LGI1: variants seen among roughly 807,000 people sequenced by gnomAD.
LGI1 encodes the protein leucine rich glioma inactivated 1.
Under a neutral mutation model 57.7 loss-of-function variants are expected in LGI1, and 11 were observed. The ratio of observed to expected loss-of-function variants is 0.19; its 90% CI spans 0.12 to 0.32. The LOEUF (loss-of-function observed/expected upper bound fraction) is 0.32. Among genes scored for constraint, LGI1 ranks in the 10% least tolerant of loss-of-function variants. LGI1 has a pLI of 1.00. For synonymous variants in LGI1, 222 were observed against 241.9 expected (o/e 0.92, Z 0.76); for missense variants, 422 against 661.9 (o/e 0.64, Z 3.98).
chr10:93,780,114 T>C (rs1007287136), intron 4 of LGI1, among the ~76,000 whole-genome samples: 9 of 152,208 alleles, frequency 5.9e-5, no homozygotes, highest in African/African-American at 1.7e-4. Context: ...GCAAGAGAAA[T>C]TGGACAAATA....
intron 2 of LGI1, 104 bp from the exon 3 acceptor site, chr10:93,777,275 A>AT: frequency 1.0e-6 from 1 of 980,660 alleles, no homozygotes; most frequent in Non-Finnish European, 1.6e-6. Flanking sequence ...CCATGCAGAC[A>AT]TTTTTCTGTA....
chr10:93,797,450 A>T lies in LGI1; in HGVS notation c.1321A>T (p.Lys441Ter). Reference sequence around the variant, plus strand: ...GTACGCAGTGAAGCACTTCTCAGTGAAAGGGGACGTGTACATTTGCTTGAC... The same window carrying T: ...GTACGCAGTGAAGCACTTCTCAGTGTAAGGGGACGTGTACATTTGCTTGAC... Reference protein sequence around the residue: ...DVYAVKHFSVKGDVYICLTRF... With the variant: ...DVYAVKHFSV Residue 441 changes from lysine (K) to a stop codon, truncating the protein, a stop_gained, in exon 8 of 8, where the codon AAA (lysine) becomes TAA (stop). Coordinates refer to ENST00000371418, the MANE Select transcript of LGI1 (RefSeq NM_005097.4). LOFTEE classifies it high-confidence loss of function. The surrounding 1 kb of genome is among the most constrained non-coding windows in gnomAD (Gnocchi z 6.5). 6.2e-7 allele frequency: 1 copy of T among 1,614,244 alleles called. No homozygotes were observed. Among genetic ancestry groups the T allele is most frequent in the Non-Finnish European group, 8.5e-7 (1 of 1,180,038 alleles).
At chr10:93,787,063 G>A (rs1473992981) in intron 4 of LGI1, among the ~76,000 whole-genome samples, 1 of 152,128 alleles carries the variant, frequency 6.6e-6, no homozygotes, top group East Asian at 1.9e-4. Context: ...CCCTAGCCTT[G>A]GATGTCTGGA....
At chr10:93,763,973 A>G (rs974243276) in intron 2 of LGI1, 3 of 152,214 alleles carry the variant, frequency 2.0e-5, no homozygotes, top group African/African-American at 7.2e-5. Flanking sequence ...CACAAAGATA[A>G]TTTCCTTTTT....
intron 4 of LGI1, chr10:93,788,617 G>C (rs1281838655): frequency 6.6e-6 from 1 of 152,112 alleles, no homozygotes; most frequent in Non-Finnish European, 1.5e-5. Context: ...TGTCACAATT[G>C]GACCGTCATT....
intron 4 of LGI1, among the ~76,000 whole-genome samples, chr10:93,782,247 G>A (rs902484775): frequency 2.0e-5 from 3 of 152,088 alleles, no homozygotes; most frequent in African/African-American, 4.8e-5. Context: ...TCAGTTCCTC[G>A]GCTTTGCACC....
At chr10:93,792,578 T>C in intron 5 of LGI1, 165 bp from the exon 6 acceptor site, 1 of 720,372 alleles carries the variant, frequency 1.4e-6, no homozygotes. Flanking sequence ...GTGCTAACTC[T>C]CTGAGCCCAA....
intron 2 of LGI1, among the ~76,000 whole-genome samples, chr10:93,776,531 T>A (rs2059796212): frequency 6.6e-6 from 1 of 152,208 alleles, no homozygotes; most frequent in Non-Finnish European, 1.5e-5. Flanking sequence ...TTAGTGGTAC[T>A]TATATTTAAT....
At chr10:93,784,215 C>T (rs2059876583) in intron 4 of LGI1, among the ~76,000 whole-genome samples, 1 of 152,148 alleles carries the variant, frequency 6.6e-6, no homozygotes, top group Non-Finnish European at 1.5e-5. Context: ...CAATCGGCTC[C>T]ACCCCACCCC....
At chr10:93,778,931 G>C (rs1172952905) in intron 4 of LGI1, 2 of 152,206 alleles carry the variant, frequency 1.3e-5, no homozygotes, top group African/African-American at 4.8e-5. Flanking sequence ...TTGTAGCAAA[G>C]AGAAGCTAAT....
intron 2 of LGI1, chr10:93,770,610 C>T (rs956830056): frequency 1.3e-5 from 2 of 152,112 alleles, no homozygotes; most frequent in African/African-American, 2.4e-5. Context: ...TGTGTCCTAC[C>T]TCTCCGTTCA....
At chr10:93,790,305 C>T (rs975025107) in intron 5 of LGI1, 135 bp downstream of exon 5, 1 of 798,746 alleles carries the variant, frequency 1.3e-6, no homozygotes, top group Non-Finnish European at 1.9e-6. Context: ...TTTTAACTGG[C>T]CAAAAATTTA....
chr10:93,758,120 T>G lies in LGI1; in HGVS notation c.-25T>G. 6.3e-7 allele frequency: 1 copy of G among 1,599,144 alleles called. No homozygotes were observed. Among genetic ancestry groups the G allele is most frequent in the Non-Finnish European group, 8.6e-7 (1 of 1,166,502 alleles). The stretch of plus-strand genomic sequence containing the variant: ...ATCTGAATTCCAGAAGCCCTGTTCA[T>G]GGTTGGGGATATTTTCTCGACTGCA... On this transcript the variant is annotated 5_prime_UTR_variant, in exon 1 of 8. An upstream start codon of the reference 5' UTR is lost. Transcript: ENST00000371418. The surrounding 1 kb of genome is among the most constrained non-coding windows in gnomAD (Gnocchi z 4.7).
chr10:93,777,478 G>C (rs373424220), intron 3 of LGI1, 28 bp downstream of exon 3: 1 of 1,610,142 alleles, frequency 6.2e-7, no homozygotes, highest in Non-Finnish European at 8.5e-7. Flanking sequence ...TTTAAAACAT[G>C]ATGATTCAGG....
intron 4 of LGI1, among the ~76,000 whole-genome samples, chr10:93,784,759 G>C (rs1449711792): frequency 6.6e-6 from 1 of 152,062 alleles, no homozygotes; most frequent in Non-Finnish European, 1.5e-5. Context: ...TTGGCTAACA[G>C]ATCTTTGCAG....
In LGI1 at chr10:93,792,984, C is replaced by T; in HGVS notation, c.673+72C>T. On this transcript the variant is annotated intron_variant, in intron 6 of 7. Coordinates refer to ENST00000371418, the MANE Select transcript of LGI1 (RefSeq NM_005097.4). ...TACCTTTTTTTTTCATGTGCAGGAA[C>T]TGATATTTTTTATATCTTAAAAACT... 3 of 1,471,218 alleles carry T rather than the reference C, an allele frequency of 2.0e-6. No individual in the cohort carries two copies. In the South Asian group the frequency reaches 3.5e-5, roughly 17 times the overall value. The allele number at this position is 1,471,218 out of a possible 1,614,324, so 91.1% of individuals were successfully genotyped here. A position where few individuals can be genotyped will look rare whatever the true frequency, so the allele number is the denominator to read the frequency against.
chr10:93,762,164 C>T (rs2059630773), intron 2 of LGI1, among the ~76,000 whole-genome samples: 1 of 152,144 alleles, frequency 6.6e-6, no homozygotes, highest in Non-Finnish European at 1.5e-5. Flanking sequence ...TCAAATAAAA[C>T]AACACAAAAC....
In LGI1 at chr10:93,758,700, G is replaced by A. The variant is rs2059590927; in HGVS notation, c.216-60G>A. ...CGGATTAACATAAGGTTTGTTCTGT[G>A]TGTGTGTGTCTCTTTGTGTGTGTCT... On this transcript the variant is annotated intron_variant, in intron 1 of 7. Coordinates refer to ENST00000371418, the MANE Select transcript of LGI1 (RefSeq NM_005097.4). This position sits in a 1 kb window ranked among gnomAD's most constrained non-coding sequence, Gnocchi z 4.7. 8.5e-7 allele frequency: 1 copy of A among 1,174,120 alleles called. No homozygotes were observed. The highest frequency in any genetic ancestry group is 1.3e-6 in the Non-Finnish European group (1 of 786,002). 72.7% of individuals were successfully genotyped at this position (1,174,120 alleles called of 1,614,324 possible).
chr10:93,794,048 T>C (rs1426240634), intron 7 of LGI1: 1 of 137,516 alleles, frequency 7.3e-6, no homozygotes, highest in Non-Finnish European at 1.5e-5. Flanking sequence ...AGACAGAGTC[T>C]CGCTCTGTCA....
Sources: allele counts gnomAD v4.1 joint callset (sites outside exome capture counted in the v4.1 genomes callset), GRCh38; gene constraint gnomAD v4.1.1; non-coding constraint Gnocchi (gnomAD v3.1); transcripts MANE v1.5; gene names NCBI Gene and HGNC (gene_info 2026-07-23, HGNC 2026-07-21).